The following TAFA2 variants were observed in gnomAD, a reference collection of about 807,000 sequenced individuals.
TAFA2 encodes chemokine-like protein TAFA-2.
A neutral mutation model predicts 18.8 loss-of-function variants in TAFA2; 7 were observed. The observed-to-expected ratio is 0.37, with a 90% CI of 0.21 to 0.70. The LOEUF (loss-of-function observed/expected upper bound fraction) is 0.70, where lower values mean the gene tolerates loss of function less well. Ranked by LOEUF, TAFA2 falls within the 30% of genes least tolerant of loss-of-function variation. TAFA2 has a pLI of 0.53. For missense variants in TAFA2, 122 were observed against 158.1 expected (o/e 0.77, Z 1.23); for synonymous variants, 60 against 54.2 (o/e 1.11, Z -0.47).
At chr12:62,113,786 A>G (rs933804559) in intron 1 of TAFA2, among the ~76,000 whole-genome samples, 2 of 152,182 alleles carry the variant, frequency 1.3e-5, no homozygotes, top group African/African-American at 4.8e-5. Context: ...GGCTTTGTTT[A>G]CAATGTGAGG....
chr12:62,205,600 T>C (rs1037890316), intron 1 of TAFA2, among the ~76,000 whole-genome samples: 1 of 151,666 alleles, frequency 6.6e-6, no homozygotes, highest in African/African-American at 2.4e-5. Context: ...AAAGAGGGAG[T>C]CTGGCCATGA....
intron 1 of TAFA2, among the ~76,000 whole-genome samples, chr12:61,883,307 CCA>C (rs748404394): frequency 1.3e-5 from 2 of 152,106 alleles, no homozygotes; most frequent in East Asian, 3.9e-4. Flanking sequence ...TAGCCTGAAA[CCA>C]CAGAGTAAAG....
chr12:62,242,936 A>T (rs2136990548), intron 1 of TAFA2, among the ~76,000 whole-genome samples: 1 of 152,358 alleles, frequency 6.6e-6, no homozygotes, highest in African/African-American at 2.4e-5. Context: ...ACATTTTGTT[A>T]ACAAAAGCAC....
intron 1 of TAFA2, among the ~76,000 whole-genome samples, chr12:62,117,926 C>A (rs142955620): frequency 6.6e-6 from 1 of 151,944 alleles, no homozygotes; most frequent in Admixed American, 6.6e-5. Context: ...AATAATAATC[C>A]GTGGCTTATA....
intron 2 of TAFA2, among the ~76,000 whole-genome samples, chr12:61,768,335 ACTAGGCAG>A (rs1348745814): frequency 6.6e-6 from 1 of 152,168 alleles, no homozygotes; most frequent in Admixed American, 6.6e-5. Flanking sequence ...AGTAGGTAGG[ACTAGGCAG>A]CTCCCACTCG....
chr12:62,222,976 A>G (rs1462155263), intron 1 of TAFA2, among the ~76,000 whole-genome samples: 1 of 152,192 alleles, frequency 6.6e-6, no homozygotes, highest in African/African-American at 2.4e-5. Context: ...AGCAAAATCT[A>G]TATAAAGACA....
chr12:61,715,497 C>T (rs564422624), intron 4 of TAFA2, among the ~76,000 whole-genome samples: 1 of 151,882 alleles, frequency 6.6e-6, no homozygotes, highest in African/African-American at 2.4e-5. Context: ...CACAGGCACC[C>T]ACCACCACGC....
At chr12:62,145,639 C>T (rs1002548085) in intron 1 of TAFA2, 8 of 152,206 alleles carry the variant, frequency 5.3e-5, no homozygotes, top group African/African-American at 1.7e-4. Context: ...TCGGAGCCTC[C>T]GCCTATTCAG....
chr12:61,982,672 C>G (rs7134369), intron 1 of TAFA2, among the ~76,000 whole-genome samples: 10,679 of 152,020 alleles, frequency 0.07, 439 homozygotes, highest in Non-Finnish European at 0.1. Context: ...CTTTAGTTCT[C>G]AAGTACCTCT....
chr12:61,786,466 A>G (rs1870742637), intron 2 of TAFA2, among the ~76,000 whole-genome samples: 2 of 151,656 alleles, frequency 1.3e-5, no homozygotes, highest in Admixed American at 6.6e-5. Context: ...AGGTACAAAA[A>G]AAGTCCTATA....
intron 1 of TAFA2, among the ~76,000 whole-genome samples, chr12:61,893,256 CA>C (rs1260269797): frequency 8.5e-5 from 13 of 152,174 alleles, no homozygotes; most frequent in African/African-American, 3.1e-4. Context: ...AGCATGCAAG[CA>C]AGGCTTGGTG....
At chr12:62,165,900 G>GTCTC (rs139551297) in intron 1 of TAFA2, among the ~76,000 whole-genome samples, 3 of 141,112 alleles carry the variant, frequency 2.1e-5, no homozygotes, top group Admixed American at 7.2e-5. Flanking sequence ...ACTTAATACA[G>GTCTC]TCTCTCTCTC....
At chr12:61,938,821 C>A (rs553037655) in intron 1 of TAFA2, among the ~76,000 whole-genome samples, 5 of 152,004 alleles carry the variant, frequency 3.3e-5, no homozygotes, top group Non-Finnish European at 5.9e-5. Flanking sequence ...AAACCAAATA[C>A]CTTATGCTTA....
At chr12:61,910,739 T>C (rs1177294848) in intron 1 of TAFA2, among the ~76,000 whole-genome samples, 1 of 152,224 alleles carries the variant, frequency 6.6e-6, no homozygotes, top group Admixed American at 6.5e-5. Flanking sequence ...GTTCTGGGTC[T>C]TGAAACTACT....
intron 2 of TAFA2, among the ~76,000 whole-genome samples, chr12:61,843,803 A>G (rs1422562033): frequency 6.6e-6 from 1 of 152,146 alleles, no homozygotes; most frequent in Non-Finnish European, 1.5e-5. Flanking sequence ...GATCTCTCAA[A>G]AAATGTAGGT....
chr12:61,784,362 G>A (rs1870636766), intron 2 of TAFA2, among the ~76,000 whole-genome samples: 1 of 151,344 alleles, frequency 6.6e-6, no homozygotes, highest in African/African-American at 2.4e-5. Context: ...CATCAAGAGA[G>A]GTGATGTAAA....
In TAFA2 at chr12:62,137,520, C is replaced by A. The variant is rs531287430; in HGVS notation, c.-2+53739G>T. On this transcript the variant is annotated intron_variant, in intron 1 of 4. Transcript: ENST00000416284. ...CTCATTCCAAAGCTCATCTTCTTTC[C>A]TTTACCTTCTATTTCTTCATGGCTA... Among the ~76,000 whole-genome samples, 84 of 152,176 alleles carry A rather than the reference C, an allele frequency of 5.5e-4. 1 individual carries two copies. The highest frequency in any genetic ancestry group is 2.0e-3 in the African/African-American group (81 of 41,508).
At chr12:61,752,345 A>C (rs1869058715) in intron 4 of TAFA2, among the ~76,000 whole-genome samples, 1 of 152,076 alleles carries the variant, frequency 6.6e-6, no homozygotes, top group South Asian at 2.1e-4. Context: ...TTGTTTCAGA[A>C]TCTCAAAACG....
At position 61,722,831 on chromosome 12, in the gene TAFA2, A is replaced by C. The variant is rs566743146; in HGVS notation, c.385-12414T>G. Among the ~76,000 whole-genome samples the C allele has an allele frequency of 7.9e-5, 12 of 152,188 alleles. No individual in the cohort carries two copies. In the South Asian group the frequency reaches 2.5e-3, roughly 32 times the overall value. ...TATTCCACCTGGTGTGTATAATTGC[A>C]ATAATGCCCTGACTTGTCTTGTTCC... On this transcript the variant is annotated intron_variant, in intron 4 of 4. Transcript: ENST00000416284.
Sources: allele counts gnomAD v4.1 joint callset (sites outside exome capture counted in the v4.1 genomes callset), GRCh38; gene constraint gnomAD v4.1.1; transcripts MANE v1.5; gene names NCBI Gene and HGNC (gene_info 2026-07-23, HGNC 2026-07-21).